CD226: variants seen among roughly 807,000 people sequenced by gnomAD.
The protein encoded by CD226 is CD226 molecule.
CD226 carries 24 observed loss-of-function variants against 34.9 expected under a neutral mutation model. That is an observed-to-expected ratio of 0.69 (90% CI 0.50 to 0.97). The LOEUF (loss-of-function observed/expected upper bound fraction) is 0.97. CD226 is among the 50% of genes least tolerant of loss of function. The pLI is 0.00. For synonymous variants in CD226, 148 were observed against 147.4 expected (o/e 1.00, Z -0.03); for missense variants, 397 against 412.7 (o/e 0.96, Z 0.33).
chr18:69,877,199 G>C (rs1175703786), intron 3 of CD226, among the ~76,000 whole-genome samples: 3 of 152,310 alleles, frequency 2.0e-5, no homozygotes, highest in African/African-American at 7.2e-5. Context: ...TGGGCCTCAA[G>C]CTGGGGTTCC....
chr18:69,902,484 T>C (rs888684214), intron 2 of CD226, among the ~76,000 whole-genome samples: 2 of 151,830 alleles, frequency 1.3e-5, no homozygotes, highest in African/African-American at 2.4e-5. Flanking sequence ...TTCCGTGACA[T>C]TGCACTTGCC....
At position 69,858,380 on chromosome 18, in the gene CD226, T is replaced by TG. The variant is rs1982671902; in HGVS notation, c.*5933_*5934insC. 6.6e-6 allele frequency: 1 copy of TG among 152,132 alleles called. No individual in the cohort carries two copies. Among genetic ancestry groups the TG allele is most frequent in the African/African-American group, 2.4e-5 (1 of 41,416 alleles). 9.4% of individuals were successfully genotyped at this position (152,132 alleles called of 1,614,324 possible). A position where few individuals can be genotyped will look rare whatever the true frequency, so the allele number is the denominator to read the frequency against. On this transcript the variant is annotated 3_prime_UTR_variant, in exon 6 of 6. Coordinates refer to ENST00000582621, the MANE Select transcript of CD226 (RefSeq NM_001303618.2). ...GGAGGGAATGTCGCAGTGTGTTCTG[T>TG]TTGGAAAGTAAGTTGTACCCTGACT... is the stretch of plus-strand genomic sequence containing the variant.
chr18:69,942,198 A>G (rs1317607026), intron 2 of CD226, among the ~76,000 whole-genome samples: 1 of 152,238 alleles, frequency 6.6e-6, no homozygotes, highest in Non-Finnish European at 1.5e-5. Context: ...GCAGTGTGAG[A>G]ATAGACTAAT....
At chr18:69,871,065 A>T (rs1437709263) in intron 4 of CD226, among the ~76,000 whole-genome samples, 2 of 152,246 alleles carry the variant, frequency 1.3e-5, no homozygotes, top group Non-Finnish European at 2.9e-5. Context: ...TGTAAAAGTA[A>T]TGCATAATGC....
intron 5 of CD226, 49 bp downstream of exon 5, chr18:69,867,308 G>T: frequency 8.2e-7 from 1 of 1,216,050 alleles, no homozygotes; most frequent in Non-Finnish European, 1.2e-6. Flanking sequence ...GACTGACTTT[G>T]CATCTGTAAA....
intron 3 of CD226, among the ~76,000 whole-genome samples, chr18:69,880,377 G>A (rs1021330193): frequency 1.4e-5 from 2 of 147,048 alleles, no homozygotes; most frequent in Non-Finnish European, 3.0e-5. Flanking sequence ...AGGAAGGAAG[G>A]AAGGGGAAAG....
At chr18:69,945,886 A>G (rs1460005647) in intron 2 of CD226, among the ~76,000 whole-genome samples, 1 of 152,166 alleles carries the variant, frequency 6.6e-6, no homozygotes, top group Non-Finnish European at 1.5e-5. Context: ...GCAGGCAAAC[A>G]GAGAGAGCTA....
At chr18:69,877,874 T>C (rs1983973978) in intron 3 of CD226, among the ~76,000 whole-genome samples, 1 of 152,160 alleles carries the variant, frequency 6.6e-6, no homozygotes, top group African/African-American at 2.4e-5. Flanking sequence ...TGGAGTCAGG[T>C]AGAGATTCAA....
chr18:69,952,702 A>C (rs1328382184), upstream of CD226, among the ~76,000 whole-genome samples: 1 of 152,232 alleles, frequency 6.6e-6, no homozygotes, highest in African/African-American at 2.4e-5. Flanking sequence ...ACGGATTCTT[A>C]GACATGACAG....
At chr18:69,945,675 G>T (rs2055780420) in intron 2 of CD226, among the ~76,000 whole-genome samples, 1 of 152,102 alleles carries the variant, frequency 6.6e-6, no homozygotes, top group Non-Finnish European at 1.5e-5. Flanking sequence ...GCAACATGTT[G>T]AAACCTCATC....
upstream of CD226, among the ~76,000 whole-genome samples, chr18:69,952,821 C>T (rs756997149): frequency 1.3e-5 from 2 of 152,184 alleles, no homozygotes; most frequent in African/African-American, 2.4e-5. Flanking sequence ...CTACAGAATG[C>T]AAGCAAATAT....
chr18:69,946,052 T>C (rs2055785531), intron 2 of CD226, among the ~76,000 whole-genome samples: 3 of 151,088 alleles, frequency 2.0e-5, no homozygotes, highest in Admixed American at 2.0e-4. Flanking sequence ...CACGTGGCGG[T>C]GCACACCTGT....
chr18:69,874,397 C>T (rs1788226), intron 3 of CD226, among the ~76,000 whole-genome samples: 9,176 of 152,216 alleles, frequency 0.06, 795 homozygotes, highest in African/African-American at 0.19. Flanking sequence ...AGGGAAGAAT[C>T]CCATCAACAT....
intron 2 of CD226, among the ~76,000 whole-genome samples, chr18:69,914,863 A>ATCC (rs2055366893): frequency 6.6e-6 from 1 of 152,166 alleles, no homozygotes; most frequent in Admixed American, 6.5e-5. Flanking sequence ...ACAAGAAAAC[A>ATCC]TCCAAAAAAA....
chr18:69,902,986 G>A (rs2055206698), intron 2 of CD226, among the ~76,000 whole-genome samples: 1 of 152,108 alleles, frequency 6.6e-6, no homozygotes, highest in Non-Finnish European at 1.5e-5. Flanking sequence ...TGATGACTAA[G>A]GAGGTCTCCT....
intron 3 of CD226, among the ~76,000 whole-genome samples, chr18:69,885,879 C>T (rs986721735): frequency 6.6e-6 from 1 of 152,104 alleles, no homozygotes; most frequent in African/African-American, 2.4e-5. Flanking sequence ...TTGGCGTCAG[C>T]GAAGGATCCC....
rs1020255634 is a variant in CD226 at position 69,853,934 on chromosome 18, C to T, written c.*10380G>A. 2.6e-5 allele frequency: 4 copies of T among 151,938 alleles called. No individual in the cohort carries two copies. Among genetic ancestry groups the T allele is most frequent in the African/African-American group, 9.7e-5 (4 of 41,378 alleles). The allele number at this position is 151,938 out of a possible 1,614,324, so 9.4% of individuals were successfully genotyped here. A position where few individuals can be genotyped will look rare whatever the true frequency, so the allele number is the denominator to read the frequency against. Reference sequence around the variant, plus strand: ...TGGATCATGATTTATAAAGATGAGCCAAAGAGCAGCCTAGACGAGAGCAAG... The same window carrying T: ...TGGATCATGATTTATAAAGATGAGCTAAAGAGCAGCCTAGACGAGAGCAAG... On this transcript the variant is annotated 3_prime_UTR_variant, in exon 6 of 6. Coordinates refer to ENST00000582621, the MANE Select transcript of CD226 (RefSeq NM_001303618.2).
chr18:69,939,340 G>C (rs1193309168), intron 2 of CD226, among the ~76,000 whole-genome samples: 2 of 152,108 alleles, frequency 1.3e-5, no homozygotes, highest in Non-Finnish European at 2.9e-5. Context: ...AACCTTTAAA[G>C]AAAAGGAACC....
At position 69,873,308 on chromosome 18, in the gene CD226, G is replaced by A. The variant is rs532484211; in HGVS notation, c.728-62C>T. 7.2e-5 allele frequency: 58 copies of A among 806,818 alleles called. No homozygotes were observed. The East Asian group carries it at 1.2e-3, about 16-fold the overall frequency. The allele number at this position is 806,818 out of a possible 1,614,324, so 50.0% of individuals were successfully genotyped here. A position where few individuals can be genotyped will look rare whatever the true frequency, so the allele number is the denominator to read the frequency against. On this transcript the variant is annotated intron_variant, in intron 3 of 5. Transcript: ENST00000582621. The stretch of plus-strand genomic sequence containing the variant: ...TCAGCCAAAGGCAGTAAAAAGTAAG[G>A]CAGGAAAATAAAGAAAAGATACATT...
Sources: gnomAD v4.1 joint callset for allele counts (sites outside exome capture counted in the v4.1 genomes callset) on GRCh38, gnomAD v4.1.1 for gene constraint, MANE v1.5 for transcripts, NCBI Gene and HGNC (gene_info 2026-07-23, HGNC 2026-07-21) for gene names.